Variants in CORO7 observed in about 807,000 individuals in gnomAD.
The protein encoded by CORO7 is coronin-7.
Under a neutral mutation model 126.6 loss-of-function variants are expected in CORO7, and 107 were observed. That is an observed-to-expected ratio of 0.85 (90% confidence interval 0.72 to 0.99). CORO7 has a LOEUF of 0.99. CORO7 is among the 50% of genes least tolerant of loss of function. The pLI is 0.00. For synonymous variants in CORO7, 603 were observed against 536.8 expected, an observed-to-expected ratio of 1.12 and a Z score of -1.70; for missense variants, 1,314 against 1,255.8, an observed-to-expected ratio of 1.05 and a Z score of -0.70.
intron 26 of CORO7, among the ~76,000 whole-genome samples, chr16:4,356,105 C>T (rs956846633): frequency 1.3e-5 from 2 of 152,180 alleles, no homozygotes; most frequent in African/African-American, 4.8e-5. Flanking sequence ...AGGTATGCGC[C>T]ACCATGCCCG....
intron 6 of CORO7, among the ~76,000 whole-genome samples, chr16:4,400,728 G>A (rs1468455324): frequency 6.6e-6 from 1 of 151,872 alleles, no homozygotes; most frequent in Non-Finnish European, 1.5e-5. Flanking sequence ...GCTGAGGCAT[G>A]AGAATCACTT....
chr16:4,362,095 G>T lies in CORO7; in HGVS notation c.1468C>A (p.Leu490Ile). 1 of 1,613,266 alleles carries T rather than the reference G, an allele frequency of 6.2e-7. No individual in the cohort carries two copies. The highest frequency in any genetic ancestry group is 1.1e-5 in the South Asian group (1 of 91,052). Residue 490 changes from leucine to isoleucine, a missense_variant, in exon 16 of 28, where the codon CTC becomes ATC. Transcript: ENST00000251166. The surrounding 1 kb of genome is among the most constrained non-coding windows in gnomAD (Gnocchi z 5.3). ...VLHRDSHITN[L>I]KGLNLTTPGE... ...GGTGTGGTGAGGTTGAGCCCCTTGA[G>T]GTTGGTGATGTGGCTGTCTCGGTGC...
At chr16:4,375,709 C>T (rs1352420133) in intron 9 of CORO7, among the ~76,000 whole-genome samples, 3 of 152,180 alleles carry the variant, frequency 2.0e-5, no homozygotes, top group Non-Finnish European at 2.9e-5. Context: ...AGGATGGTCT[C>T]GATCTCCTGA....
chr16:4,382,673 T>G lies in CORO7; in HGVS notation c.785+5313A>C, dbSNP rs1351971032. ...GCTGCGGTGGGGGCAGCCTACTGTG[T>G]GCGGCGGGGGCGGGCCATGGCAGCA... On this transcript the variant is annotated intron_variant, in intron 9 of 27. Coordinates refer to ENST00000251166, the MANE Select transcript of CORO7 (RefSeq NM_024535.5). The G allele has an allele frequency of 5.8e-6, 9 of 1,548,846 alleles. No homozygotes were observed. The African/African-American group carries it at 9.6e-5, about 16-fold the overall frequency.
At position 4,381,720 on chromosome 16, in the gene CORO7, C is replaced by A. The variant is rs767936854; in HGVS notation, c.785+6266G>T. On this transcript the variant is annotated intron_variant, in intron 9 of 27. Coordinates refer to ENST00000251166, the MANE Select transcript of CORO7 (RefSeq NM_024535.5). Reference sequence around the variant, plus strand: ...ACCTAAGCCTGCAGGCCCTGCCTGGCGACCTCTCGGGCCTCTTCCCCCGCC... The same window carrying A: ...ACCTAAGCCTGCAGGCCCTGCCTGGAGACCTCTCGGGCCTCTTCCCCCGCC... 1.9e-6 allele frequency: 3 copies of A among 1,606,474 alleles called. No homozygotes were observed. In the Admixed American group the frequency reaches 5.0e-5, roughly 27 times the overall value.
intron 1 of CORO7, among the ~76,000 whole-genome samples, chr16:4,415,002 C>T (rs1421360450): frequency 3.9e-5 from 6 of 152,114 alleles, no homozygotes; most frequent in African/African-American, 9.7e-5. Context: ...GCTGGGACCA[C>T]GGGAGTGAGT....
rs1044979998 is a variant in CORO7, at chr16:4,366,593, G to A, written c.786-1048C>T. ...GTCTCCCTCTGTCACCCAGGCTGGA[G>A]TGCAGTGGCACAATCATTGCTCACT... On this transcript the variant is annotated intron_variant, in intron 9 of 27. Transcript: ENST00000251166. Among the ~76,000 whole-genome samples the A allele has an allele frequency of 2.0e-5, 3 of 148,302 alleles. No homozygotes were observed. The Admixed American group carries it at 2.0e-4, about 10-fold the overall frequency.
Position 4,364,796 on chromosome 16 carries a change from G to T in CORO7, c.1023C>A (p.Ile341=), listed in dbSNP as rs150690426. Residue 341 remains isoleucine (I), a synonymous_variant, in exon 12 of 28, where the codon ATC becomes ATA. Coordinates refer to ENST00000251166, the MANE Select transcript of CORO7 (RefSeq NM_024535.5). The part of the protein sequence containing the change: ...LQLSDTAIVP[I]GYHVPRKAVE... ...TCACCTTGCGGGGCACATGGTAGCC[G>T]ATGGGCACGATGGCTGTGTCGCTCA... 1 of 1,611,404 alleles carries T rather than the reference G, an allele frequency of 6.2e-7. No individual in the cohort carries two copies. The highest frequency in any genetic ancestry group is 1.1e-5 in the South Asian group (1 of 90,930).
At chr16:4,389,330 T>C (rs2141267894) in intron 7 of CORO7, among the ~76,000 whole-genome samples, 1 of 152,268 alleles carries the variant, frequency 6.6e-6, no homozygotes, top group South Asian at 2.1e-4. Context: ...TCCTGGGCCC[T>C]GGCAGTGGGG....
intron 6 of CORO7, among the ~76,000 whole-genome samples, chr16:4,401,979 C>T (rs1210348006): frequency 2.6e-5 from 4 of 151,482 alleles, no homozygotes; most frequent in Non-Finnish European, 1.5e-5. Flanking sequence ...TGCTCTGTCG[C>T]CCAGGCTGGA....
chr16:4,363,321 C>A (rs536110601), intron 14 of CORO7: 2 of 151,714 alleles, frequency 1.3e-5, no homozygotes, highest in East Asian at 3.9e-4. Flanking sequence ...AATCCCAGCA[C>A]TTTGGGAGGC....
chr16:4,368,747 C>CAA (rs1283259505), intron 9 of CORO7, among the ~76,000 whole-genome samples: 1,579 of 56,598 alleles, frequency 0.028, 62 homozygotes, highest in African/African-American at 0.093. Flanking sequence ...GACTCCATCT[C>CAA]AAAAAAAAAA....
chr16:4,362,591 C>T lies in CORO7; in HGVS notation c.1402+21G>A. On this transcript the variant is annotated intron_variant, in intron 15 of 27. Coordinates refer to ENST00000251166, the MANE Select transcript of CORO7 (RefSeq NM_024535.5). The surrounding 1 kb of genome is among the most constrained non-coding windows in gnomAD (Gnocchi z 5.3). ...ACAGGGCTCCTGCGGTAGGGGTGAGCTCCCCGTCCTGCCTCCTTACCCAGC... is the reference window on the plus strand; with the variant it reads ...ACAGGGCTCCTGCGGTAGGGGTGAGTTCCCCGTCCTGCCTCCTTACCCAGC... 2 of 1,538,690 alleles carry T rather than the reference C, an allele frequency of 1.3e-6. No homozygotes were observed. Among genetic ancestry groups the T allele is most frequent in the Non-Finnish European group, 8.7e-7 (1 of 1,146,212 alleles).
At chr16:4,391,304 T>C (rs189891476) in intron 7 of CORO7, among the ~76,000 whole-genome samples, 1 of 152,170 alleles carries the variant, frequency 6.6e-6, no homozygotes, top group East Asian at 1.9e-4. Flanking sequence ...ACCTGTAATC[T>C]TGGCATTTTG....
chr16:4,412,708 T>A (rs1263147704), intron 2 of CORO7: 6 of 472,036 alleles, frequency 1.3e-5, no homozygotes, highest in Non-Finnish European at 2.3e-5. Flanking sequence ...GGCTTTCGTA[T>A]GGGGCTTGCA....
intron 8 of CORO7, 33 bp from the exon 9 acceptor site, chr16:4,388,101 G>T (rs1346967072): frequency 6.3e-7 from 1 of 1,596,632 alleles, no homozygotes; most frequent in Non-Finnish European, 8.5e-7. Flanking sequence ...GCTCAGAGGG[G>T]CCTGTCCCTC....
chr16:4,411,545 T>G (rs2056208161), intron 3 of CORO7, among the ~76,000 whole-genome samples: 1 of 152,140 alleles, frequency 6.6e-6, no homozygotes, highest in African/African-American at 2.4e-5. Context: ...CTATATACTT[T>G]TTAAAAATTT....
rs147449369 is a variant in CORO7 at position 4,381,175 on chromosome 16, G to A, written c.785+6811C>T. The A allele has an allele frequency of 1.2e-5, 20 of 1,611,626 alleles. No individual in the cohort carries two copies. The highest frequency in any genetic ancestry group is 1.2e-4 in the South Asian group (11 of 90,922). On this transcript the variant is annotated intron_variant, in intron 9 of 27. Transcript: ENST00000251166. ...GCCCAGCGGGGTCTTCCAGCCACTCGCCAACCTCAGCAACCTGGACCTGAC... is the reference window on the plus strand; with the variant it reads ...GCCCAGCGGGGTCTTCCAGCCACTCACCAACCTCAGCAACCTGGACCTGAC...
Position 4,362,707 on chromosome 16 carries a change from G to A in CORO7, c.1307C>T (p.Thr436Ile), listed in dbSNP as rs890532422. 8 of 1,456,060 alleles carry A rather than the reference G, an allele frequency of 5.5e-6. No homozygotes were observed. The highest frequency in any genetic ancestry group is 7.3e-6 in the Non-Finnish European group (8 of 1,101,082). 90.2% of individuals were successfully genotyped at this position (1,456,060 alleles called of 1,614,324 possible). Residue 436 changes from threonine to isoleucine, a missense_variant, in exon 15 of 28, where the codon ACC (threonine) becomes ATC (isoleucine). Transcript: ENST00000251166. This position sits in a 1 kb window ranked among gnomAD's most constrained non-coding sequence, Gnocchi z 5.3. ...CAGGCTGGAGGGCGTGGAGGGCGAG[G>A]TCAGCGAACTGGGAGGGGAAGAGAA... ...EGFSSPPSSL[T>I]SPSTPSSLGP...
Sources: allele counts gnomAD v4.1 joint callset (sites outside exome capture counted in the v4.1 genomes callset), GRCh38; gene constraint gnomAD v4.1.1; non-coding constraint Gnocchi (gnomAD v3.1); transcripts MANE v1.5; gene names NCBI Gene and HGNC (gene_info 2026-07-23, HGNC 2026-07-21).